The following WDPCP variants were observed in gnomAD, a reference collection of about 807,000 sequenced individuals.
WDPCP encodes the protein WD repeat containing planar cell polarity effector, also known as WD repeat-containing and planar cell polarity effector protein fritz homolog.
A neutral mutation model predicts 93.1 loss-of-function variants in WDPCP; 71 were observed. That is an observed-to-expected ratio of 0.76 (90% confidence interval 0.63 to 0.93). The LOEUF is 0.93. Among genes scored for constraint, WDPCP ranks in the 40% least tolerant of loss-of-function variants. The pLI is 0.00. For synonymous variants in WDPCP, 315 were observed against 315.0 expected (o/e 1.00, Z 0.00); for missense variants, 844 against 887.4 (o/e 0.95, Z 0.62).
At chr2:63,553,503 C>T (rs1705837715) in intron 1 of WDPCP, among the ~76,000 whole-genome samples, 1 of 152,052 alleles carries the variant, frequency 6.6e-6, no homozygotes, top group Admixed American at 6.5e-5. Flanking sequence ...TTTTGGAGTG[C>T]AGGGTATTTT....
chr2:63,688,425 TA>T lies in WDPCP; in HGVS notation n.309-37588del, dbSNP rs778929957. ...CTGAGTGACAGAGCGAGACTCCATC[TA>T]AAAAAAAAAAAAAGTTAAAACGATT... On this transcript the variant is annotated intron_variant and non_coding_transcript_variant, in intron 2 of 4. Coordinates refer to the WDPCP transcript ENST00000467687. Among the ~76,000 whole-genome samples the T allele has an allele frequency of 6.1e-3, 824 of 135,328 alleles. 2 individuals carry two copies. The highest frequency in any genetic ancestry group is 0.01 in the African/African-American group (366 of 36,492). 88.8% of individuals were successfully genotyped at this position (135,328 alleles called of 152,430 possible).
At chr2:63,346,240 A>G (rs1017504460) in intron 12 of WDPCP, among the ~76,000 whole-genome samples, 9 of 152,206 alleles carry the variant, frequency 5.9e-5, no homozygotes, top group Non-Finnish European at 1.0e-4. Context: ...TGGCACAAGA[A>G]AAAATGGAAA....
At chr2:63,191,766 A>G (rs778700293) in intron 14 of WDPCP, among the ~76,000 whole-genome samples, 4 of 152,220 alleles carry the variant, frequency 2.6e-5, no homozygotes, top group Admixed American at 1.3e-4. Flanking sequence ...TTTATGGCCC[A>G]CAATCTAAGA....
chr2:63,677,611 T>C (rs1162478025), intron 2 of WDPCP, among the ~76,000 whole-genome samples: 1 of 152,186 alleles, frequency 6.6e-6, no homozygotes, highest in Non-Finnish European at 1.5e-5. Flanking sequence ...AACTTATAGC[T>C]GAATTCCTAA....
At chr2:63,828,189 GC>G (rs1395450456), upstream of WDPCP, among the ~76,000 whole-genome samples, 1 of 139,192 alleles carries the variant, frequency 7.2e-6, no homozygotes, top group African/African-American at 2.7e-5. Context: ...CATTCTTCTT[GC>G]CACTGTGTCT....
At chr2:63,748,517 A>T (rs116415454) in intron 2 of WDPCP, among the ~76,000 whole-genome samples, 1 of 152,056 alleles carries the variant, frequency 6.6e-6, no homozygotes, top group Non-Finnish European at 1.5e-5. Flanking sequence ...ATTTGTTAAC[A>T]TGGTGAACAA....
At chr2:63,503,831 C>A in intron 1 of WDPCP, among the ~76,000 whole-genome samples, 1 of 149,590 alleles carries the variant, frequency 6.7e-6, no homozygotes, top group African/African-American at 2.5e-5. Context: ...GCTTAAATAC[C>A]AAAATAATTT....
intron 12 of WDPCP, among the ~76,000 whole-genome samples, chr2:63,358,535 GC>G (rs1298081775): frequency 6.6e-6 from 1 of 152,116 alleles, no homozygotes; most frequent in Non-Finnish European, 1.5e-5. Flanking sequence ...TGCAGTCACA[GC>G]TCACTGCAGC....
chr2:63,426,033 C>G (rs1377705684), intron 9 of WDPCP, among the ~76,000 whole-genome samples: 4 of 152,116 alleles, frequency 2.6e-5, no homozygotes, highest in East Asian at 1.9e-4. Flanking sequence ...GACCTCTCAG[C>G]AGAAACTTAA....
At chr2:63,534,676 A>G (rs1208447146) in intron 1 of WDPCP, among the ~76,000 whole-genome samples, 1 of 152,100 alleles carries the variant, frequency 6.6e-6, no homozygotes, top group Non-Finnish European at 1.5e-5. Flanking sequence ...CATGCTAAAA[A>G]CTCTGAATAA....
chr2:63,308,610 G>A (rs1013289384), intron 13 of WDPCP, among the ~76,000 whole-genome samples: 2 of 152,012 alleles, frequency 1.3e-5, no homozygotes, highest in African/African-American at 4.8e-5. Flanking sequence ...GGATGAAGCT[G>A]GAAACCATCA....
chr2:63,635,029 A>G (rs1232347869), intron 3 of WDPCP, among the ~76,000 whole-genome samples: 1 of 152,120 alleles, frequency 6.6e-6, no homozygotes, highest in Non-Finnish European at 1.5e-5. Context: ...AAAGAAAATC[A>G]TAAACAGGGG....
chr2:63,507,320 G>A (rs1010194624), intron 1 of WDPCP, among the ~76,000 whole-genome samples: 5 of 151,974 alleles, frequency 3.3e-5, no homozygotes, highest in African/African-American at 1.2e-4. Context: ...CGCAACACTG[G>A]GAGTTGTTAG....
intron 14 of WDPCP, among the ~76,000 whole-genome samples, chr2:63,209,515 T>C (rs1295247038): frequency 1.3e-5 from 2 of 152,226 alleles, no homozygotes; most frequent in East Asian, 1.9e-4. Flanking sequence ...CTAGACCTCA[T>C]GAAGTTTTTA....
rs544642131 is a variant in WDPCP, at chr2:63,418,314, G to A, written c.826-13657C>T. On this transcript the variant is annotated intron_variant, in intron 9 of 17. Transcript: ENST00000272321. ...AGATATGATGCTAAGAAAAAAGAAC[G>A]AAATATATGGTGTGTAATGAAGGGA... 8.3e-4 allele frequency among the ~76,000 whole-genome samples: 126 copies of A among 152,226 alleles called. 2 individuals are homozygous for A. In the South Asian group the frequency reaches 0.026, roughly 31 times the overall value.
intron 13 of WDPCP, among the ~76,000 whole-genome samples, chr2:63,260,635 T>G (rs186717256): frequency 1.5e-4 from 23 of 152,296 alleles, no homozygotes; most frequent in African/African-American, 5.5e-4. Flanking sequence ...CTGAAACCTC[T>G]GCCTCTTCAG....
chr2:63,694,947 G>C (rs1206245440), intron 2 of WDPCP, among the ~76,000 whole-genome samples: 1 of 152,140 alleles, frequency 6.6e-6, no homozygotes, highest in East Asian at 1.9e-4. Flanking sequence ...TTCTAAAAGA[G>C]AGTGAAATAG....
chr2:63,585,583 G>A (rs1389565572), intron 1 of WDPCP, among the ~76,000 whole-genome samples: 3 of 151,922 alleles, frequency 2.0e-5, no homozygotes, highest in Admixed American at 2.0e-4. Flanking sequence ...CTATGGTAAA[G>A]TACATATTTC....
chr2:63,747,753 G>C (rs1412952676), intron 2 of WDPCP, among the ~76,000 whole-genome samples: 2 of 151,770 alleles, frequency 1.3e-5, no homozygotes, highest in Non-Finnish European at 2.9e-5. Flanking sequence ...GCTATTTTTG[G>C]TCCTTTGTTA....
Sources: allele counts gnomAD v4.1 joint callset (sites outside exome capture counted in the v4.1 genomes callset), GRCh38; gene constraint gnomAD v4.1.1; transcripts MANE v1.5; gene names NCBI Gene and HGNC (gene_info 2026-07-23, HGNC 2026-07-21).